SLC39A12: variants seen among roughly 807,000 people sequenced by gnomAD.
The protein encoded by SLC39A12 is solute carrier family 39 member 12, also known as zinc transporter ZIP12.
A neutral mutation model predicts 71.1 loss-of-function variants in SLC39A12; 63 were observed. The ratio of observed to expected loss-of-function variants is 0.89; its 90% CI spans 0.72 to 1.09. SLC39A12 has a LOEUF of 1.09. Among genes scored for constraint, SLC39A12 ranks in the 50% least tolerant of loss-of-function variants. The pLI, the probability that SLC39A12 is intolerant of heterozygous loss-of-function variation, is 0.00. For missense variants in SLC39A12, 892 were observed against 812.6 expected (o/e 1.10, Z -1.19); for synonymous variants, 351 against 301.3 (o/e 1.16, Z -1.71).
At chr10:18,039,969 C>T (rs556045554) in intron 12 of SLC39A12, among the ~76,000 whole-genome samples, 3 of 152,238 alleles carry the variant, frequency 2.0e-5, no homozygotes, top group South Asian at 2.1e-4. Context: ...GATATTCATT[C>T]GCCACTTAGG....
At chr10:18,025,761 T>G (rs185846455) in intron 12 of SLC39A12, among the ~76,000 whole-genome samples, 13 of 152,316 alleles carry the variant, frequency 8.5e-5, no homozygotes, top group African/African-American at 2.9e-4. Context: ...GTAATGGGAT[T>G]GCAGGGTCAA....
chr10:17,961,789 C>T lies in SLC39A12; in HGVS notation c.470C>T (p.Ser157Phe). The T allele has an allele frequency of 6.2e-7, 1 of 1,614,146 alleles. No homozygotes were observed. The highest frequency in any genetic ancestry group is 8.5e-7 in the Non-Finnish European group (1 of 1,180,016). The change falls in exon 3 of 13, where the codon TCT (serine) becomes TTT (phenylalanine). Residue 157 changes from serine to phenylalanine, a missense_variant. Coordinates refer to ENST00000377369, the MANE Select transcript of SLC39A12 (RefSeq NM_001145195.2). The stretch of plus-strand genomic sequence containing the variant: ...AGCCTCAGGCAGGATGAAGATTCCT[C>T]TTTCCTTTCACAGAATGAGACAGAA... ...LLSLRQDEDSSFLSQNETEDI... is the reference protein window; with the variant it reads ...LLSLRQDEDSFFLSQNETEDI...
chr10:18,026,252 A>G (rs1392477308), intron 12 of SLC39A12, among the ~76,000 whole-genome samples: 2 of 152,186 alleles, frequency 1.3e-5, no homozygotes, highest in East Asian at 1.9e-4. Flanking sequence ...GCAACAAACA[A>G]ATTCCCTCTA....
In SLC39A12 at chr10:18,000,693, A is replaced by G; in HGVS notation, c.1627A>G (p.Met543Val). Residue 543 changes from methionine to valine, a missense_variant, in exon 11 of 13, where the codon ATG (methionine) becomes GTG (valine). Physicochemically the swap from Met to Val is conservative, Grantham distance 21. Transcript: ENST00000377369. Reference sequence around the variant, plus strand: ...TAAAGCCATTAGCTTGTTAGCAATCATGATTCTGGTTGGGGACAGCCTGCA... The same window carrying G: ...TAAAGCCATTAGCTTGTTAGCAATCGTGATTCTGGTTGGGGACAGCCTGCA... ...KCKAISLLAI[M>V]ILVGDSLHNF... The G allele has an allele frequency of 1.2e-6, 2 of 1,614,180 alleles. No individual in the cohort carries two copies. Among genetic ancestry groups the G allele is most frequent in the East Asian group, 2.2e-5 (1 of 44,876 alleles).
At chr10:17,976,493 C>A (rs1017827294) in intron 4 of SLC39A12, among the ~76,000 whole-genome samples, 4 of 152,220 alleles carry the variant, frequency 2.6e-5, no homozygotes, top group African/African-American at 9.6e-5. Context: ...TCTCAGCTCA[C>A]TGCAACCTCC....
intron 12 of SLC39A12, among the ~76,000 whole-genome samples, chr10:18,036,296 T>C (rs1344941000): frequency 2.6e-5 from 4 of 152,200 alleles, no homozygotes; most frequent in East Asian, 1.9e-4. Flanking sequence ...CAGTAATCAG[T>C]GAGACTCCGT....
chr10:17,954,692 TCCTGAC>T (rs1834494434), intron 2 of SLC39A12, among the ~76,000 whole-genome samples: 1 of 152,090 alleles, frequency 6.6e-6, no homozygotes, highest in Admixed American at 6.5e-5. Context: ...ACCATCCCAT[TCCTGAC>T]CCACGAGATT....
intron 6 of SLC39A12, among the ~76,000 whole-genome samples, chr10:17,982,742 C>G (rs956084394): frequency 2.6e-5 from 4 of 152,132 alleles, no homozygotes; most frequent in Non-Finnish European, 5.9e-5. Flanking sequence ...ACATTCCTAC[C>G]ACCTGGCTTG....
At chr10:17,999,294 CAAAAAAA>C (rs59734258) in intron 10 of SLC39A12, among the ~76,000 whole-genome samples, 4 of 70,364 alleles carry the variant, frequency 5.7e-5, no homozygotes, top group South Asian at 1.2e-3. Flanking sequence ...GACTCCATCT[CAAAAAAA>C]AAAAAAAAAA....
intron 5 of SLC39A12, among the ~76,000 whole-genome samples, chr10:17,980,476 G>A (rs1835224751): frequency 6.6e-6 from 1 of 152,142 alleles, no homozygotes; most frequent in South Asian, 2.1e-4. Flanking sequence ...ACATCCATTT[G>A]TGAGAGTGAA....
chr10:17,990,074 C>G (rs1319846612), intron 7 of SLC39A12, among the ~76,000 whole-genome samples: 1 of 152,008 alleles, frequency 6.6e-6, no homozygotes, highest in African/African-American at 2.4e-5. Flanking sequence ...TTTTAGTCAG[C>G]TAAATTTGTT....
At chr10:18,000,538 G>A (rs1564652399) in intron 10 of SLC39A12, 129 bp from the exon 11 acceptor site, 4 of 857,606 alleles carry the variant, frequency 4.7e-6, no homozygotes, top group Non-Finnish European at 7.4e-6. Context: ...CGGAAACAAA[G>A]TGATGTTATT....
intron 12 of SLC39A12, chr10:18,008,494 A>G (rs1013881190): frequency 2.6e-5 from 4 of 152,336 alleles, no homozygotes; most frequent in African/African-American, 9.6e-5. Context: ...AATAATAGAA[A>G]TAAAGTACAC....
At chr10:17,972,675 A>G (rs79309987) in intron 4 of SLC39A12, among the ~76,000 whole-genome samples, 4,911 of 152,064 alleles carry the variant, frequency 0.032, 238 homozygotes, top group African/African-American at 0.11. Context: ...TTTGGTTTCC[A>G]TTGGCATGGA....
At chr10:18,023,737 G>C (rs943792555) in intron 12 of SLC39A12, among the ~76,000 whole-genome samples, 1 of 152,176 alleles carries the variant, frequency 6.6e-6, no homozygotes, top group African/African-American at 2.4e-5. Context: ...GGTAGCAAGG[G>C]TAGTTCCTCT....
intron 3 of SLC39A12, among the ~76,000 whole-genome samples, chr10:17,964,845 C>A (rs1357994006): frequency 2.0e-5 from 3 of 152,270 alleles, no homozygotes; most frequent in South Asian, 2.1e-4. Context: ...GGGAGAGAAA[C>A]AACCCACCAG....
At chr10:17,981,546 T>C in intron 6 of SLC39A12, 63 bp downstream of exon 6, 2 of 1,352,458 alleles carry the variant, frequency 1.5e-6, no homozygotes, top group Admixed American at 2.2e-5. Context: ...TAATAGTAAA[T>C]GCAGGATACT....
chr10:18,016,112 A>G (rs1464994968), intron 12 of SLC39A12, among the ~76,000 whole-genome samples: 1 of 152,210 alleles, frequency 6.6e-6, no homozygotes, highest in African/African-American at 2.4e-5. Context: ...GGGTTTTGAC[A>G]AATGGACGAT....
At chr10:17,979,382 C>A (rs149572547) in intron 5 of SLC39A12, among the ~76,000 whole-genome samples, 1 of 152,136 alleles carries the variant, frequency 6.6e-6, no homozygotes, top group Non-Finnish European at 1.5e-5. Context: ...AGAAACTATT[C>A]GACTTCTTGA....
Sources: allele counts gnomAD v4.1 joint callset (sites outside exome capture counted in the v4.1 genomes callset), GRCh38; gene constraint gnomAD v4.1.1; transcripts MANE v1.5; gene names NCBI Gene and HGNC (gene_info 2026-07-23, HGNC 2026-07-21).